The following IGBP1C variants were observed in gnomAD, a reference collection of about 807,000 sequenced individuals.
The protein encoded by IGBP1C is immunoglobulin-binding protein 1 family member C.
At chr17:58,661,635 C>T in the IGBP1C span, 9 of 675,800 alleles carry the variant, frequency 1.3e-5, no homozygotes, top group African/African-American at 1.6e-4. Flanking sequence ...GATTCCTTTC[C>T]TTTCTGGACA....
At chr17:58,665,865 G>A in the IGBP1C span, among the ~76,000 whole-genome samples, 1 of 152,064 alleles carries the variant, frequency 6.6e-6, no homozygotes. Flanking sequence ...GACCAACGTA[G>A]TGAAAACTCG....
the IGBP1C span, among the ~76,000 whole-genome samples, chr17:58,669,289 T>C: frequency 6.6e-6 from 1 of 150,756 alleles, no homozygotes. Context: ...GAGGCAGAGG[T>C]TGCAGTGAGC....
At chr17:58,666,700 G>A in the IGBP1C span, 3 of 152,214 alleles carry the variant, frequency 2.0e-5, no homozygotes, top group African/African-American at 7.2e-5. Context: ...GTAATTATGA[G>A]GTACTTGCGT....
At chr17:58,664,555 G>A in the IGBP1C span, among the ~76,000 whole-genome samples, 11 of 152,294 alleles carry the variant, frequency 7.2e-5, no homozygotes, top group South Asian at 2.3e-3. Context: ...GGGATACTAA[G>A]AGGAATAATG....
At chr17:58,665,007 G>T in the IGBP1C span, among the ~76,000 whole-genome samples, 1 of 152,080 alleles carries the variant, frequency 6.6e-6, no homozygotes, top group Non-Finnish European at 1.5e-5. Flanking sequence ...GAGCAGGCAT[G>T]TAAGTTTGTG....
At chr17:58,669,733 C>CAAAAAAAAAAAAAAAAAAAAAA in the IGBP1C span, among the ~76,000 whole-genome samples, 1 of 56,300 alleles carries the variant, frequency 1.8e-5, no homozygotes. Context: ...GACTCCGTCT[C>CAAAAAAAAAAAAAAAAAAAAAA]AAAAAAAAAA....
the IGBP1C span, among the ~76,000 whole-genome samples, chr17:58,662,765 A>G: frequency 2.6e-5 from 4 of 152,186 alleles, no homozygotes; most frequent in Admixed American, 2.0e-4. Context: ...ATATATACTC[A>G]ATAATTTTTA....
At chr17:58,686,669 T>C in the IGBP1C span, among the ~76,000 whole-genome samples, 1 of 152,030 alleles carries the variant, frequency 6.6e-6, no homozygotes, top group East Asian at 1.9e-4. Context: ...GGACAACAAA[T>C]ACATATTGGG....
the IGBP1C span, among the ~76,000 whole-genome samples, chr17:58,679,022 C>T: frequency 1.3e-5 from 2 of 151,746 alleles, no homozygotes; most frequent in Non-Finnish European, 2.9e-5. Context: ...GGCGTGGTGG[C>T]GTGTGCCTGT....
chr17:58,663,104 G>A, the IGBP1C span, among the ~76,000 whole-genome samples: 11 of 136,250 alleles, frequency 8.1e-5, no homozygotes, highest in East Asian at 4.4e-4. Flanking sequence ...GTGAGACTCC[G>A]TCTCAAAAAA....
the IGBP1C span, among the ~76,000 whole-genome samples, chr17:58,678,442 T>TTA: frequency 6.6e-6 from 1 of 152,044 alleles, no homozygotes; most frequent in African/African-American, 2.4e-5. Flanking sequence ...CCATCAATGA[T>TTA]AGAATGGATT....
chr17:58,681,160 C>T, the IGBP1C span, among the ~76,000 whole-genome samples: 1 of 151,990 alleles, frequency 6.6e-6, no homozygotes, highest in African/African-American at 2.4e-5. Flanking sequence ...CCTGGGTACT[C>T]GGGAGGCTGA....
At chr17:58,663,323 GA>G in the IGBP1C span, among the ~76,000 whole-genome samples, 2 of 150,562 alleles carry the variant, frequency 1.3e-5, no homozygotes, top group African/African-American at 4.9e-5. Flanking sequence ...TTGGGAGGCT[GA>G]GGCAGGAGAA....
the IGBP1C span, chr17:58,666,391 G>A: frequency 2.1e-5 from 3 of 141,844 alleles, no homozygotes; most frequent in Non-Finnish European, 4.5e-5. Context: ...AAAGAAGGCT[G>A]AGCGCATGAA....
chr17:58,686,298 T>C, the IGBP1C span, among the ~76,000 whole-genome samples: 1 of 152,144 alleles, frequency 6.6e-6, no homozygotes, highest in Non-Finnish European at 1.5e-5. Context: ...GATATGATTA[T>C]GCAGAGTGAA....
chr17:58,680,936 G>C, the IGBP1C span, among the ~76,000 whole-genome samples: 2 of 151,938 alleles, frequency 1.3e-5, no homozygotes, highest in African/African-American at 4.8e-5. Flanking sequence ...CCTTGTCACT[G>C]ACTTCAAGCT....
the IGBP1C span, among the ~76,000 whole-genome samples, chr17:58,678,818 TATAATAATAATA>T: frequency 4.1e-4 from 56 of 137,312 alleles, 1 homozygote; most frequent in African/African-American, 1.3e-3. Flanking sequence ...GAACTTAAAG[TATAATAATAATA>T]ATAATAATAA....
chr17:58,662,216 C>A, the IGBP1C span, among the ~76,000 whole-genome samples: 1 of 151,332 alleles, frequency 6.6e-6, no homozygotes, highest in African/African-American at 2.4e-5. Flanking sequence ...TTTGGGAGGC[C>A]GAGGTGGGCG....
chr17:58,681,511 AT>A, the IGBP1C span, among the ~76,000 whole-genome samples: 22 of 152,226 alleles, frequency 1.4e-4, no homozygotes, highest in South Asian at 3.7e-3. Context: ...TGTATGCTCT[AT>A]AAATTGTCAA....
Sources: allele counts gnomAD v4.1 joint callset (sites outside exome capture counted in the v4.1 genomes callset), GRCh38; gene constraint gnomAD v4.1.1; transcripts MANE v1.5; gene names NCBI Gene and HGNC (gene_info 2026-07-23, HGNC 2026-07-21).